KIAA1328: variants seen among roughly 807,000 people sequenced by gnomAD.
The protein encoded by KIAA1328 is KIAA1328.
Under a neutral mutation model 68.1 loss-of-function variants are expected in KIAA1328, and 52 were observed. The ratio of observed to expected loss-of-function variants is 0.76; its 90% CI spans 0.61 to 0.96. KIAA1328 has a LOEUF of 0.96. Among genes scored for constraint, KIAA1328 ranks in the 40% least tolerant of loss-of-function variants. The pLI, the probability that KIAA1328 is intolerant of heterozygous loss-of-function variation, is 0.00. For missense variants in KIAA1328, 641 were observed against 677.6 expected, an observed-to-expected ratio of 0.95 and a Z score of 0.60; for synonymous variants, 232 against 239.4, an observed-to-expected ratio of 0.97 and a Z score of 0.28.
chr18:37,165,532 G>A (rs908454952), intron 8 of KIAA1328, among the ~76,000 whole-genome samples: 18 of 150,350 alleles, frequency 1.2e-4, no homozygotes, highest in Admixed American at 2.6e-4. Flanking sequence ...CAGTTCTCCC[G>A]CCTCAGCCTC....
At chr18:36,853,280 TA>T (rs1260451038) in intron 4 of KIAA1328, among the ~76,000 whole-genome samples, 1 of 152,204 alleles carries the variant, frequency 6.6e-6, no homozygotes, top group African/African-American at 2.4e-5. Flanking sequence ...CTCCACCCTT[TA>T]TTTGATGAGT....
At chr18:37,231,060 A>T (rs1599649476), downstream of KIAA1328, 1 of 152,142 alleles carries the variant, frequency 6.6e-6, no homozygotes, top group East Asian at 1.9e-4. Context: ...ATCTTTCCAG[A>T]CCTTGCTCAG....
chr18:37,202,166 C>T (rs892665617), intron 9 of KIAA1328, among the ~76,000 whole-genome samples: 15 of 152,004 alleles, frequency 9.9e-5, no homozygotes, highest in African/African-American at 3.6e-4. Context: ...GCATACTTTA[C>T]CCAGTTGCTT....
chr18:36,855,633 A>T, intron 4 of KIAA1328, among the ~76,000 whole-genome samples: 1 of 150,722 alleles, frequency 6.6e-6, no homozygotes, highest in Admixed American at 6.6e-5. Flanking sequence ...GTCCTTTGAA[A>T]TACAAAAGTT....
chr18:37,150,566 C>A (rs1450069237), intron 7 of KIAA1328, among the ~76,000 whole-genome samples: 2 of 148,344 alleles, frequency 1.3e-5, no homozygotes, highest in African/African-American at 2.5e-5. Context: ...TTCATGGACA[C>A]AAATGCAGAA....
intron 9 of KIAA1328, among the ~76,000 whole-genome samples, chr18:37,176,256 A>G (rs1294988575): frequency 6.6e-6 from 1 of 152,238 alleles, no homozygotes; most frequent in South Asian, 2.1e-4. Context: ...AATGTTAACT[A>G]TGTTGCAAAT....
At chr18:36,836,757 G>C (rs1397527347) in intron 3 of KIAA1328, among the ~76,000 whole-genome samples, 1 of 151,922 alleles carries the variant, frequency 6.6e-6, no homozygotes, top group African/African-American at 2.4e-5. Flanking sequence ...TATCACTCTA[G>C]AAAGAAACCC....
rs1599124660 is a variant in KIAA1328 at position 37,062,307 on chromosome 18, A to G, written c.577-4583A>G. ...CCACCTCATCTACACACCACATACA[A>G]TGTTCTCCTTGAAAGAAATATGAGT... On this transcript the variant is annotated intron_variant, in intron 6 of 9. Transcript: ENST00000280020. 3.3e-5 allele frequency among the ~76,000 whole-genome samples: 5 copies of G among 152,264 alleles called. 1 individual carries two copies. The highest frequency in any genetic ancestry group is 3.3e-4 in the Admixed American group (5 of 15,300).
At chr18:37,110,345 T>C (rs912050647) in intron 7 of KIAA1328, among the ~76,000 whole-genome samples, 22 of 152,236 alleles carry the variant, frequency 1.4e-4, no homozygotes, top group Non-Finnish European at 1.9e-4. Context: ...GCAAAATAGA[T>C]AGAAGCCAAA....
intron 9 of KIAA1328, among the ~76,000 whole-genome samples, chr18:37,194,950 G>A (rs563584154): frequency 6.6e-6 from 1 of 152,082 alleles, no homozygotes; most frequent in African/African-American, 2.4e-5. Context: ...GAGCCACTGC[G>A]CCCAGCCTAT....
At chr18:37,194,798 T>G (rs1490363036) in intron 9 of KIAA1328, among the ~76,000 whole-genome samples, 1 of 152,102 alleles carries the variant, frequency 6.6e-6, no homozygotes, top group Non-Finnish European at 1.5e-5. Context: ...GTAGCTGAGA[T>G]GACAGGTGTG....
At chr18:36,910,248 G>C (rs2049385103) in intron 5 of KIAA1328, among the ~76,000 whole-genome samples, 1 of 152,004 alleles carries the variant, frequency 6.6e-6, no homozygotes, top group Non-Finnish European at 1.5e-5. Flanking sequence ...GGTTTTTATG[G>C]TTTTAGGTCT....
At chr18:37,110,804 G>T (rs542204164) in intron 7 of KIAA1328, among the ~76,000 whole-genome samples, 6 of 152,102 alleles carry the variant, frequency 3.9e-5, no homozygotes, top group Admixed American at 1.3e-4. Context: ...GGCTTATGGC[G>T]GTTTGTTTTA....
chr18:37,030,659 A>G (rs937287314), intron 6 of KIAA1328, among the ~76,000 whole-genome samples: 1 of 152,186 alleles, frequency 6.6e-6, no homozygotes, highest in African/African-American at 2.4e-5. Flanking sequence ...GTTTATCAGT[A>G]GGGTCAATAT....
chr18:37,104,579 T>C (rs544248686), intron 7 of KIAA1328, among the ~76,000 whole-genome samples: 9 of 152,154 alleles, frequency 5.9e-5, no homozygotes, highest in Admixed American at 2.6e-4. Context: ...AGTTCTAGCA[T>C]TCGATAGCAC....
At chr18:36,959,885 A>G (rs2151272823) in intron 6 of KIAA1328, among the ~76,000 whole-genome samples, 1 of 152,378 alleles carries the variant, frequency 6.6e-6, no homozygotes, top group African/African-American at 2.4e-5. Context: ...ATGCTTGCAT[A>G]CATATATTAA....
intron 7 of KIAA1328, among the ~76,000 whole-genome samples, chr18:37,113,959 C>G (rs905766915): frequency 1.3e-5 from 2 of 152,142 alleles, no homozygotes. Flanking sequence ...GAAGAGCCAA[C>G]CATCCTAAAT....
chr18:37,084,626 G>A (rs1315043426), intron 7 of KIAA1328, among the ~76,000 whole-genome samples: 8 of 151,758 alleles, frequency 5.3e-5, no homozygotes, highest in South Asian at 2.1e-4. Context: ...CAACAAATAC[G>A]TATTGCTTGG....
chr18:37,134,702 A>G (rs2058603413), intron 7 of KIAA1328, among the ~76,000 whole-genome samples: 1 of 152,186 alleles, frequency 6.6e-6, no homozygotes. Context: ...AAATTTTTTA[A>G]AATAATTTCA....
Sources: allele counts gnomAD v4.1 joint callset (sites outside exome capture counted in the v4.1 genomes callset), GRCh38; gene constraint gnomAD v4.1.1; transcripts MANE v1.5; gene names NCBI Gene and HGNC (gene_info 2026-07-23, HGNC 2026-07-21).